AGBL1: variants seen among roughly 807,000 people sequenced by gnomAD.
AGBL1 encodes the protein cytosolic carboxypeptidase 4.
Under a neutral mutation model 118.9 loss-of-function variants are expected in AGBL1, and 130 were observed. The ratio of observed to expected loss-of-function variants is 1.09; its 90% CI spans 0.95 to 1.26. The LOEUF (loss-of-function observed/expected upper bound fraction) is 1.26, where lower values mean the gene tolerates loss of function less well. AGBL1 is among the 50% of genes most tolerant of loss of function. The pLI is 0.00. For missense variants in AGBL1, 1,584 were observed against 1,298.1 expected, an observed-to-expected ratio of 1.22 and a Z score of -3.38; for synonymous variants, 555 against 478.9, an observed-to-expected ratio of 1.16 and a Z score of -2.08.
chr15:86,752,391 T>C (rs1174308743), intron 22 of AGBL1, among the ~76,000 whole-genome samples: 1 of 152,122 alleles, frequency 6.6e-6, no homozygotes, highest in Non-Finnish European at 1.5e-5. Context: ...TGTGTCTTAA[T>C]CCATCCAGAT....
At chr15:86,958,244 G>C (rs146691475) in intron 23 of AGBL1, among the ~76,000 whole-genome samples, 27 of 151,112 alleles carry the variant, frequency 1.8e-4, no homozygotes, top group Non-Finnish European at 3.5e-4. Context: ...ATGAAAGATG[G>C]TAGAATGGGA....
At chr15:86,758,129 T>C (rs758119076) in intron 22 of AGBL1, among the ~76,000 whole-genome samples, 2 of 152,082 alleles carry the variant, frequency 1.3e-5, no homozygotes, top group Non-Finnish European at 2.9e-5. Flanking sequence ...GAAACTATAC[T>C]ATAGCATTCA....
intron 22 of AGBL1, among the ~76,000 whole-genome samples, chr15:86,785,354 C>T (rs1277629860): frequency 1.5e-5 from 2 of 135,156 alleles, no homozygotes; most frequent in Non-Finnish European, 1.6e-5. Context: ...CAGAGATCTG[C>T]GGGTTCTTTT....
At chr15:86,715,062 C>T (rs139419320) in intron 22 of AGBL1, among the ~76,000 whole-genome samples, 37 of 152,304 alleles carry the variant, frequency 2.4e-4, no homozygotes, top group African/African-American at 7.0e-4. Context: ...AGCACTTTTG[C>T]TGGCCCAGAC....
At chr15:86,809,491 A>T (rs2141365196) in intron 22 of AGBL1, among the ~76,000 whole-genome samples, 1 of 152,216 alleles carries the variant, frequency 6.6e-6, no homozygotes, top group African/African-American at 2.4e-5. Flanking sequence ...CCATTCCTTT[A>T]TATCTGTGTC....
intron 6 of AGBL1, among the ~76,000 whole-genome samples, chr15:86,244,358 C>T (rs2078687490): frequency 6.6e-6 from 1 of 152,150 alleles, no homozygotes; most frequent in African/African-American, 2.4e-5. Context: ...TCTTCCAGAA[C>T]TCCTCTAAGT....
At chr15:86,724,689 G>A (rs1024665571) in intron 22 of AGBL1, among the ~76,000 whole-genome samples, 4 of 152,174 alleles carry the variant, frequency 2.6e-5, no homozygotes, top group Admixed American at 2.0e-4. Context: ...TGTTGGAGAT[G>A]GGGCCTGGTG....
intron 17 of AGBL1, among the ~76,000 whole-genome samples, chr15:86,362,581 G>A (rs2080821153): frequency 6.6e-6 from 1 of 152,170 alleles, no homozygotes; most frequent in Non-Finnish European, 1.5e-5. Flanking sequence ...TGGACAGAGA[G>A]TACTGGCCCT....
chr15:86,359,722 AAT>A (rs2080775566), intron 17 of AGBL1, among the ~76,000 whole-genome samples: 1 of 151,824 alleles, frequency 6.6e-6, no homozygotes, highest in Non-Finnish European at 1.5e-5. Context: ...TTCCTTCACC[AAT>A]ATTTTGTAAT....
chr15:86,973,569 C>T (rs2081133269), intron 23 of AGBL1, among the ~76,000 whole-genome samples: 1 of 151,870 alleles, frequency 6.6e-6, no homozygotes, highest in Non-Finnish European at 1.5e-5. Flanking sequence ...CATCCAAAAG[C>T]ATCTCTTCAG....
chr15:86,837,881 T>G (rs188718866), intron 22 of AGBL1, among the ~76,000 whole-genome samples: 24 of 152,316 alleles, frequency 1.6e-4, no homozygotes, highest in Admixed American at 1.4e-3. Context: ...AAGAGACACT[T>G]AGTTCCCTTC....
intron 22 of AGBL1, among the ~76,000 whole-genome samples, chr15:86,708,610 C>CA (rs1316409454): frequency 6.6e-6 from 1 of 152,030 alleles, no homozygotes. Context: ...TGCCAGATTT[C>CA]AAAAAATCTT....
At chr15:86,845,127 G>A (rs929171013) in intron 22 of AGBL1, among the ~76,000 whole-genome samples, 7 of 151,894 alleles carry the variant, frequency 4.6e-5, no homozygotes, top group East Asian at 1.9e-4. Flanking sequence ...AATAATTTTA[G>A]CTATTCTTGG....
chr15:86,559,577 T>A (rs977775318), intron 21 of AGBL1, among the ~76,000 whole-genome samples: 2 of 152,200 alleles, frequency 1.3e-5, no homozygotes, highest in Non-Finnish European at 2.9e-5. Context: ...GCAATAATGA[T>A]AACAAACACA....
chr15:86,653,855 C>T (rs1291650166), intron 21 of AGBL1, among the ~76,000 whole-genome samples: 1 of 152,116 alleles, frequency 6.6e-6, no homozygotes, highest in East Asian at 1.9e-4. Flanking sequence ...CCAAATACAG[C>T]ACAACACTCA....
intron 22 of AGBL1, among the ~76,000 whole-genome samples, chr15:86,870,707 A>G (rs544803042): frequency 3.3e-5 from 5 of 152,256 alleles, no homozygotes; most frequent in South Asian, 2.1e-4. Context: ...TGAGTGGGAG[A>G]AATCATGAGG....
chr15:86,404,312 G>A (rs1567239341), intron 18 of AGBL1, among the ~76,000 whole-genome samples: 1 of 152,296 alleles, frequency 6.6e-6, no homozygotes, highest in African/African-American at 2.4e-5. Flanking sequence ...ACTAGAGAAT[G>A]CTGTGTCCTT....
intron 23 of AGBL1, among the ~76,000 whole-genome samples, chr15:86,968,819 G>A (rs1049247693): frequency 6.6e-6 from 1 of 151,822 alleles, no homozygotes; most frequent in Non-Finnish European, 1.5e-5. Context: ...CAGGAGATTC[G>A]GTGTCTGGTA....
chr15:86,979,951 AC>A (rs1294368455), intron 23 of AGBL1, among the ~76,000 whole-genome samples: 3 of 152,160 alleles, frequency 2.0e-5, no homozygotes, highest in African/African-American at 7.2e-5. Flanking sequence ...CCACTAAGAG[AC>A]TTTTTAACAG....
Sources: gnomAD v4.1 joint callset for allele counts (sites outside exome capture counted in the v4.1 genomes callset) on GRCh38, gnomAD v4.1.1 for gene constraint, MANE v1.5 for transcripts, NCBI Gene and HGNC (gene_info 2026-07-23, HGNC 2026-07-21) for gene names.